NACC2: variants seen among roughly 807,000 people sequenced by gnomAD.
NACC2 encodes NACC family member 2.
A neutral mutation model predicts 25.1 loss-of-function variants in NACC2; 8 were observed. The observed-to-expected ratio is 0.32, with a 90% CI of 0.19 to 0.57. The LOEUF (loss-of-function observed/expected upper bound fraction) is 0.57, where lower values mean the gene tolerates loss of function less well. Ranked by LOEUF, NACC2 falls within the 20% of genes least tolerant of loss-of-function variation. NACC2 has a pLI of 0.89. For missense variants in NACC2, 644 were observed against 650.2 expected, an observed-to-expected ratio of 0.99 and a Z score of 0.10; for synonymous variants, 435 against 294.7, an observed-to-expected ratio of 1.48 and a Z score of -4.88.
At chr9:136,045,483 C>T (rs1002639376) in intron 2 of NACC2, among the ~76,000 whole-genome samples, 1 of 151,882 alleles carries the variant, frequency 6.6e-6, no homozygotes, top group Non-Finnish European at 1.5e-5. Context: ...TGACATCTGC[C>T]AGCTGCAATT....
intron 1 of NACC2, among the ~76,000 whole-genome samples, chr9:136,053,160 G>T (rs1009300379): frequency 3.3e-5 from 5 of 152,344 alleles, no homozygotes; most frequent in Non-Finnish European, 4.4e-5. Flanking sequence ...GGGAGGCAAG[G>T]CGACACAGCC....
rs1325852823 is a variant in NACC2 at position 136,011,827 on chromosome 9, G to A, written c.1453C>T (p.Pro485Ser). 5.1e-6 allele frequency: 8 copies of A among 1,566,886 alleles called. No homozygotes were observed. The highest frequency in any genetic ancestry group is 1.4e-5 in the African/African-American group (1 of 73,552). ...TGCTCGAACACCTGTGCCGCGGCAG[G>A]CGGGAACTCGGGGTCGAGGGGCACG... The part of the protein sequence containing the change: ...ASVPLDPEFP[P>S]AAAQVFEQRI... Residue 485 changes from proline to serine, a missense_variant, in exon 6 of 6, where the codon CCT becomes TCT. By Grantham distance (74) the Pro-to-Ser change is moderately conservative. Transcript: ENST00000277554.
At position 136,010,384 on chromosome 9, in the gene NACC2, C is replaced by G. The variant is rs776928304; in HGVS notation, c.*1132G>C. ...CCAGCCCTGGCCGCTGCCTCCTGCC[C>G]GAGCGGAGTCCCCCGCTCCCCAGGT... is the stretch of plus-strand genomic sequence containing the variant. On this transcript the variant is annotated 3_prime_UTR_variant, in exon 6 of 6. Transcript: ENST00000277554. The surrounding 1 kb of genome is among the most constrained non-coding windows in gnomAD (Gnocchi z 4.9). 1 of 153,032 alleles carries G rather than the reference C, an allele frequency of 6.5e-6. No individual in the cohort carries two copies. The highest frequency in any genetic ancestry group is 1.5e-5 in the Non-Finnish European group (1 of 68,670). The allele number at this position is 153,032 out of a possible 1,614,324, so 9.5% of individuals were successfully genotyped here.
chr9:136,066,312 A>G (rs1841080562), intron 1 of NACC2, among the ~76,000 whole-genome samples: 1 of 152,232 alleles, frequency 6.6e-6, no homozygotes, highest in Admixed American at 6.5e-5. Flanking sequence ...CAATAAAAAG[A>G]CAAATAACTC....
chr9:136,076,963 G>A lies in NACC2; in HGVS notation c.-60+18226C>T, dbSNP rs373493803. Among the ~76,000 whole-genome samples the A allele has an allele frequency of 2.6e-5, 4 of 151,912 alleles. No homozygotes were observed. The South Asian group carries it at 6.2e-4, about 24-fold the overall frequency. On this transcript the variant is annotated intron_variant, in intron 1 of 5. Transcript: ENST00000277554. ...AGGGCCTGCAGTGAGCCGAGATCGCGCCACTGCACTCCAGCCTGGGCGACA... is the reference window on the plus strand; with the variant it reads ...AGGGCCTGCAGTGAGCCGAGATCGCACCACTGCACTCCAGCCTGGGCGACA...
intron 1 of NACC2, among the ~76,000 whole-genome samples, chr9:136,054,412 G>C (rs1840894679): frequency 6.6e-6 from 1 of 152,202 alleles, no homozygotes. Context: ...CCAGCCTGCT[G>C]AGAGCCGGAC....
chr9:136,025,990 A>T (rs1840381062), intron 2 of NACC2, among the ~76,000 whole-genome samples: 1 of 152,218 alleles, frequency 6.6e-6, no homozygotes, highest in African/African-American at 2.4e-5. Context: ...AATAGTGCAG[A>T]TGAGATTTGT....
chr9:136,025,265 C>T (rs556771229), intron 2 of NACC2, among the ~76,000 whole-genome samples: 73 of 152,260 alleles, frequency 4.8e-4, no homozygotes, highest in Middle Eastern at 6.8e-3. Context: ...CAGACCTTCA[C>T]GCAACAGTCC....
intron 1 of NACC2, among the ~76,000 whole-genome samples, chr9:136,056,562 AC>A (rs1840927780): frequency 6.6e-6 from 1 of 152,148 alleles, no homozygotes; most frequent in Admixed American, 6.5e-5. Flanking sequence ...TACGACCCTG[AC>A]CTGCCAGGGC....
chr9:136,081,261 G>A (rs1830320723), intron 1 of NACC2, among the ~76,000 whole-genome samples: 1 of 152,110 alleles, frequency 6.6e-6, no homozygotes, highest in African/African-American at 2.4e-5. Flanking sequence ...GGCTCCGCAG[G>A]ACAGGGCAGG....
chr9:136,006,777 T>C lies in NACC2; in HGVS notation c.*4739A>G, dbSNP rs1840018481. The C allele has an allele frequency of 6.7e-6, 1 of 150,238 alleles. No homozygotes were observed. Among genetic ancestry groups the C allele is most frequent in the Non-Finnish European group, 1.5e-5 (1 of 67,724 alleles). 9.3% of individuals were successfully genotyped at this position (150,238 alleles called of 1,614,324 possible). On this transcript the variant is annotated 3_prime_UTR_variant, in exon 6 of 6. Transcript: ENST00000277554. ...ACCGAGTAACAGCACAAAAACAGAG[T>C]GAGGGCTCAGGAAAACAAAACAAAG...
Position 136,013,878 on chromosome 9 carries a change from G to A in NACC2, c.1143C>T (p.Ala381=). 1 of 1,612,726 alleles carries A rather than the reference G, an allele frequency of 6.2e-7. No homozygotes were observed. ...KHKVLLRRLL[A]TFFDRNTLAN... ...CCCCGACCTACCTGTCAAAGAAGGT[G>A]GCCAGGAGCCTCCGCAGCAAGACCT... The change falls in exon 4 of 6, where the codon GCC becomes GCT. Residue 381 remains alanine (A), a synonymous_variant. Coordinates refer to ENST00000277554, the MANE Select transcript of NACC2 (RefSeq NM_144653.5). The surrounding 1 kb of genome is among the most constrained non-coding windows in gnomAD (Gnocchi z 6.6).
At chr9:136,056,387 G>A (rs1840925297) in intron 1 of NACC2, among the ~76,000 whole-genome samples, 2 of 152,156 alleles carry the variant, frequency 1.3e-5, no homozygotes, top group Admixed American at 1.3e-4. Context: ...TGTGCCGTGT[G>A]CTCACCTCCC....
intron 2 of NACC2, among the ~76,000 whole-genome samples, chr9:136,017,703 C>A (rs1225303712): frequency 6.6e-6 from 1 of 152,216 alleles, no homozygotes; most frequent in African/African-American, 2.4e-5. Context: ...AGCACAGCCA[C>A]CCTGCTCAGG....
chr9:136,025,779 G>A (rs1840377955), intron 2 of NACC2, among the ~76,000 whole-genome samples: 1 of 152,096 alleles, frequency 6.6e-6, no homozygotes, highest in Non-Finnish European at 1.5e-5. Flanking sequence ...GCCAGGTGTG[G>A]TGGTATGCAC....
intron 1 of NACC2, among the ~76,000 whole-genome samples, chr9:136,091,328 G>A (rs1222302703): frequency 3.3e-5 from 5 of 152,200 alleles, no homozygotes; most frequent in African/African-American, 1.2e-4. Context: ...CAGGGAGGAC[G>A]GGTTCCTCAC....
At chr9:136,058,291 G>A (rs1279193978) in intron 1 of NACC2, among the ~76,000 whole-genome samples, 13 of 152,208 alleles carry the variant, frequency 8.5e-5, no homozygotes, top group Non-Finnish European at 1.5e-4. Flanking sequence ...GCACCTCATG[G>A]CCACCTCCAT....
chr9:136,046,677 A>G (rs1038048790), intron 2 of NACC2, among the ~76,000 whole-genome samples: 3 of 152,212 alleles, frequency 2.0e-5, no homozygotes, highest in Admixed American at 6.5e-5. Flanking sequence ...CCTGACTGCA[A>G]CAAACTGAAA....
rs1840620900 is a variant in NACC2 at position 136,041,049 on chromosome 9, A to AGGAAGGAAG, written c.886+8578_886+8586dup. Reference sequence around the variant, plus strand: ...GGAAAGAAGGAAAGAAAAGGAAGGAAGGAAGGAAGGAAAGGAAGGAAGGAA... The same window carrying AGGAAGGAAG: ...GGAAAGAAGGAAAGAAAAGGAAGGAAGGAAGGAAGGGAAGGAAGGAAAGGAAGGAAGGAA... On this transcript the variant is annotated intron_variant, in intron 2 of 5. Coordinates refer to ENST00000277554, the MANE Select transcript of NACC2 (RefSeq NM_144653.5). Among the ~76,000 whole-genome samples, 3 of 150,386 alleles carry AGGAAGGAAG rather than the reference A, an allele frequency of 2.0e-5. No homozygotes were observed. The South Asian group carries it at 6.3e-4, about 32-fold the overall frequency.
Sources: allele counts gnomAD v4.1 joint callset (sites outside exome capture counted in the v4.1 genomes callset), GRCh38; gene constraint gnomAD v4.1.1; non-coding constraint Gnocchi (gnomAD v3.1); transcripts MANE v1.5; gene names NCBI Gene and HGNC (gene_info 2026-07-23, HGNC 2026-07-21).